PTPRR: variants seen among roughly 807,000 people sequenced by gnomAD.
PTPRR encodes the protein receptor-type tyrosine-protein phosphatase R.
PTPRR carries 38 observed loss-of-function variants against 77.2 expected under a neutral mutation model. The observed-to-expected ratio is 0.49, with a 90% confidence interval of 0.38 to 0.65. The LOEUF is 0.65. Ranked by LOEUF, PTPRR falls within the 30% of genes least tolerant of loss-of-function variation. PTPRR has a pLI of 0.00. For missense variants in PTPRR, 744 were observed against 799.2 expected, an observed-to-expected ratio of 0.93 and a Z score of 0.83; for synonymous variants, 299 against 283.1, an observed-to-expected ratio of 1.06 and a Z score of -0.57.
intron 2 of PTPRR, among the ~76,000 whole-genome samples, chr12:70,851,829 A>T (rs902564157): frequency 7.2e-5 from 11 of 152,348 alleles, no homozygotes; most frequent in Middle Eastern, 3.4e-3. Context: ...ACACGCTGGA[A>T]TTATGTGCAG....
chr12:70,777,947 A>G (rs1052473467), intron 2 of PTPRR, among the ~76,000 whole-genome samples: 2 of 152,338 alleles, frequency 1.3e-5, no homozygotes, highest in African/African-American at 4.8e-5. Context: ...CTACAGTTCT[A>G]TAGTGATAGT....
chr12:70,715,525 CTG>C (rs1888992742), intron 6 of PTPRR, among the ~76,000 whole-genome samples: 1 of 152,196 alleles, frequency 6.6e-6, no homozygotes. Context: ...CTATGCAAGA[CTG>C]GGGTCTATTT....
At position 70,865,784 on chromosome 12, in the gene PTPRR, T is replaced by G. The variant is rs560498444; in HGVS notation, c.357+26895A>C. Among the ~76,000 whole-genome samples, 3 of 152,238 alleles carry G rather than the reference T, an allele frequency of 2.0e-5. No homozygotes were observed. The East Asian group carries it at 5.8e-4, about 29-fold the overall frequency. ...ATACTTAATACAGGGTCCAAGCAGT[T>G]CAAACAAATGAGTAGAACATACCAG... On this transcript the variant is annotated intron_variant, in intron 2 of 13. Coordinates refer to ENST00000283228, the MANE Select transcript of PTPRR (RefSeq NM_002849.4).
chr12:70,672,390 G>T, intron 10 of PTPRR: 4 of 1,234,776 alleles, frequency 3.2e-6, no homozygotes, highest in Non-Finnish European at 4.8e-6. Context: ...GAGGTAGACT[G>T]GGAAGTGGAG....
chr12:70,714,933 C>T lies in PTPRR; in HGVS notation c.1008-13610G>A, dbSNP rs574024453. 1.1e-4 allele frequency among the ~76,000 whole-genome samples: 17 copies of T among 152,148 alleles called. No individual in the cohort carries two copies. In the East Asian group the frequency reaches 2.1e-3, roughly 19 times the overall value. On this transcript the variant is annotated intron_variant, in intron 6 of 13. Transcript: ENST00000283228. ...TAGGGAGGTTGAGGCTACAGTGAGC[C>T]GTGATCACGCTACTGCACTCCAGCC...
intron 6 of PTPRR, among the ~76,000 whole-genome samples, chr12:70,744,815 C>A (rs1176514450): frequency 6.6e-6 from 1 of 152,158 alleles, no homozygotes; most frequent in African/African-American, 2.4e-5. Context: ...TCTCCCACTA[C>A]CCTGGTGTTC....
chr12:70,814,136 C>G (rs1860591786), intron 2 of PTPRR, among the ~76,000 whole-genome samples: 1 of 152,142 alleles, frequency 6.6e-6, no homozygotes, highest in South Asian at 2.1e-4. Context: ...GTCTAAGAGG[C>G]AAAAGCAAAT....
intron 1 of PTPRR, among the ~76,000 whole-genome samples, chr12:70,910,308 A>G (rs74479803): frequency 0.016 from 2,480 of 152,208 alleles, 77 homozygotes; most frequent in African/African-American, 0.057. Flanking sequence ...CTAGAGCCCA[A>G]ATGTTTTTTT....
chr12:70,673,849 G>T (rs539022836), intron 10 of PTPRR, among the ~76,000 whole-genome samples: 43 of 151,478 alleles, frequency 2.8e-4, no homozygotes, highest in Admixed American at 3.9e-4. Context: ...ATTTTTAATG[G>T]TTTTTTTTGC....
In PTPRR at chr12:70,761,515, G is replaced by A; in HGVS notation, c.583C>T (p.His195Tyr). The A allele has an allele frequency of 6.2e-7, 1 of 1,610,634 alleles. No homozygotes were observed. Among genetic ancestry groups the A allele is most frequent in the South Asian group, 1.1e-5 (1 of 90,238 alleles). Reference protein sequence around the residue: ...VLRSLNINVLHQSLSQFGITE... With the variant: ...VLRSLNINVLYQSLSQFGITE... ...ATTCCAAACTGGGATAAACTTTGAT[G>A]CAAAACATTGATATTAAGTGAACGA... The change falls in exon 4 of 14, where the codon CAT becomes TAT. Residue 195 changes from histidine (H) to tyrosine (Y), a missense_variant. Transcript: ENST00000283228.
At chr12:70,783,319 G>A (rs1004026110) in intron 2 of PTPRR, among the ~76,000 whole-genome samples, 3 of 151,954 alleles carry the variant, frequency 2.0e-5, no homozygotes, top group Non-Finnish European at 2.9e-5. Flanking sequence ...GCTACTGGTT[G>A]TGCAGACATC....
chr12:70,884,850 C>A (rs1592814044), intron 2 of PTPRR, among the ~76,000 whole-genome samples: 1 of 93,358 alleles, frequency 1.1e-5, no homozygotes, highest in Non-Finnish European at 1.9e-5. Context: ...CCAGTCTGGG[C>A]AACAGAGCAA....
Position 70,719,318 on chromosome 12 carries a change from G to A in PTPRR, c.1008-17995C>T, listed in dbSNP as rs116634841. On this transcript the variant is annotated intron_variant, in intron 6 of 13. Coordinates refer to ENST00000283228, the MANE Select transcript of PTPRR (RefSeq NM_002849.4). ...TAGGCTGTCCTCGATAAGGCATGCC[G>A]TAGGATTACGGGAACCCAAAGTTCA... Among the ~76,000 whole-genome samples the A allele has an allele frequency of 9.5e-3, 1,445 of 152,152 alleles. 17 individuals carry two copies. The highest frequency in any genetic ancestry group is 0.033 in the African/African-American group (1,358 of 41,516).
At position 70,728,492 on chromosome 12, in the gene PTPRR, ATGTATG is replaced by A. The variant is rs1565669322; in HGVS notation, c.1007+17320_1007+17325del. 2.1e-4 allele frequency among the ~76,000 whole-genome samples: 4 copies of A among 18,766 alleles called. 1 individual carries two copies. The highest frequency in any genetic ancestry group is 4.0e-3 in the South Asian group (2 of 504). The allele number at this position is 18,766 out of a possible 152,430, so 12.3% of individuals were successfully genotyped here. A position where few individuals can be genotyped will look rare whatever the true frequency, so the allele number is the denominator to read the frequency against. ...TATGTGTATATATATATATATATAT[ATGTATG>A]TATGTATATGGCAAATATTCCAAAA... On this transcript the variant is annotated intron_variant, in intron 6 of 13. Coordinates refer to ENST00000283228, the MANE Select transcript of PTPRR (RefSeq NM_002849.4).
chr12:70,767,311 T>C (rs1890850912), intron 2 of PTPRR, among the ~76,000 whole-genome samples: 1 of 151,216 alleles, frequency 6.6e-6, no homozygotes, highest in African/African-American at 2.4e-5. Flanking sequence ...AATAAAGGGA[T>C]GGAGGAAGAT....
At chr12:70,649,516 T>C (rs6581950) in intron 13 of PTPRR, among the ~76,000 whole-genome samples, 66,951 of 152,038 alleles carry the variant, frequency 0.44, 19,207 homozygotes, top group African/African-American at 0.81. Flanking sequence ...GATATACTGG[T>C]TCTGTCTTTT....
At chr12:70,898,600 G>A (rs1893477022) in intron 1 of PTPRR, among the ~76,000 whole-genome samples, 1 of 149,150 alleles carries the variant, frequency 6.7e-6, no homozygotes, top group Admixed American at 6.7e-5. Flanking sequence ...ATGATTTGTG[G>A]GATGCAGTTG....
In PTPRR at chr12:70,738,697, G is replaced by A. The variant is rs73341040; in HGVS notation, c.1007+7121C>T. On this transcript the variant is annotated intron_variant, in intron 6 of 13. Transcript: ENST00000283228. ...TCATTTAATGGGAATTTGGAACTCAGCATGTATACAATTTCCCTTAGAGTG... is the reference window on the plus strand; with the variant it reads ...TCATTTAATGGGAATTTGGAACTCAACATGTATACAATTTCCCTTAGAGTG... 6.6e-3 allele frequency among the ~76,000 whole-genome samples: 1,007 copies of A among 152,324 alleles called. 13 individuals are homozygous for A. Among genetic ancestry groups the A allele is most frequent in the African/African-American group, 0.023 (952 of 41,584 alleles).
intron 2 of PTPRR, among the ~76,000 whole-genome samples, chr12:70,810,814 AAAG>A (rs1457116841): frequency 1.3e-5 from 2 of 152,210 alleles, no homozygotes; most frequent in African/African-American, 4.8e-5. Flanking sequence ...TCTTTCACAG[AAAG>A]ACAAAAACTC....
Sources: gnomAD v4.1 joint callset for allele counts (sites outside exome capture counted in the v4.1 genomes callset) on GRCh38, gnomAD v4.1.1 for gene constraint, MANE v1.5 for transcripts, NCBI Gene and HGNC (gene_info 2026-07-23, HGNC 2026-07-21) for gene names.